DNMBP: variants seen among roughly 807,000 people sequenced by gnomAD.
DNMBP encodes the protein dynamin binding protein.
A neutral mutation model predicts 150.0 loss-of-function variants in DNMBP; 87 were observed. That is an observed-to-expected ratio of 0.58 (90% CI 0.49 to 0.69). The LOEUF is 0.69. Ranked by LOEUF, DNMBP falls within the 30% of genes least tolerant of loss-of-function variation. The probability of loss-of-function intolerance (pLI) is 0.00; values close to 1 mark genes in which losing one functional copy is unlikely to be tolerated. For missense variants in DNMBP, 1,774 were observed against 1,949.0 expected (o/e 0.91, Z 1.69); for synonymous variants, 711 against 750.4 (o/e 0.95, Z 0.86).
chr10:100,000,764 G>A (rs1330289715), intron 1 of DNMBP, among the ~76,000 whole-genome samples: 1 of 150,526 alleles, frequency 6.6e-6, no homozygotes, highest in Non-Finnish European at 1.5e-5. Flanking sequence ...GTTATGAACA[G>A]GGAACAAAAC....
chr10:99,984,583 T>G, intron 1 of DNMBP, among the ~76,000 whole-genome samples: 1 of 152,058 alleles, frequency 6.6e-6, no homozygotes, highest in South Asian at 2.1e-4. Context: ...ACTAAGAAAA[T>G]TTATTAACCC....
At chr10:99,973,111 T>TTATC (rs1338492413) in intron 1 of DNMBP, among the ~76,000 whole-genome samples, 2 of 146,652 alleles carry the variant, frequency 1.4e-5, no homozygotes, top group Non-Finnish European at 3.0e-5. Flanking sequence ...ATTTATTTAT[T>TTATC]TGTAGAGATG....
chr10:99,887,858 C>T (rs890839329), intron 12 of DNMBP, among the ~76,000 whole-genome samples: 3 of 152,088 alleles, frequency 2.0e-5, no homozygotes, highest in Admixed American at 1.3e-4. Context: ...GAGTTTCGCT[C>T]TTGTTGCCCA....
chr10:99,912,832 G>T (rs1308037112), intron 4 of DNMBP, among the ~76,000 whole-genome samples: 2 of 152,076 alleles, frequency 1.3e-5, no homozygotes, highest in African/African-American at 4.8e-5. Flanking sequence ...GCAACCCAAG[G>T]TATTTCTGAA....
intron 11 of DNMBP, among the ~76,000 whole-genome samples, chr10:99,891,186 C>CCACGG (rs1483104970): frequency 5.3e-5 from 8 of 149,704 alleles, no homozygotes; most frequent in African/African-American, 2.0e-4. Flanking sequence ...CCCCCTCTCC[C>CCACGG]TCTCCCCACC....
Position 99,915,130 on chromosome 10 carries a change from C to CAT in DNMBP, c.2261-5985_2261-5984insAT, listed in dbSNP as rs2039949199. Among the ~76,000 whole-genome samples the CAT allele has an allele frequency of 2.5e-5, 3 of 120,420 alleles. No individual in the cohort carries two copies. In the Admixed American group the frequency reaches 2.5e-4, roughly 10 times the overall value. 79.0% of individuals were successfully genotyped at this position (120,420 alleles called of 152,430 possible). On this transcript the variant is annotated intron_variant, in intron 4 of 16. Coordinates refer to ENST00000324109, the MANE Select transcript of DNMBP (RefSeq NM_015221.4). ...AAAAATATATATATATATATATATACACACACACACATATATATACATATA... is the reference window on the plus strand; with the variant it reads ...AAAAATATATATATATATATATATACATACACACACACATATATATACATATA...
intron 6 of DNMBP, among the ~76,000 whole-genome samples, chr10:99,903,882 A>C (rs371442044): frequency 6.6e-6 from 1 of 151,714 alleles, no homozygotes. Context: ...AATATACTTA[A>C]TGGGTCACAG....
chr10:99,883,085 T>C (rs2039395043), intron 15 of DNMBP, among the ~76,000 whole-genome samples: 1 of 152,140 alleles, frequency 6.6e-6, no homozygotes, highest in Non-Finnish European at 1.5e-5. Flanking sequence ...CACATGACTA[T>C]TCACACCAAA....
intron 1 of DNMBP, among the ~76,000 whole-genome samples, chr10:99,986,613 A>ATCTCTAACAGGAGATGGGGGCACT (rs2040830560): frequency 1.7e-5 from 2 of 116,608 alleles, no homozygotes; most frequent in South Asian, 2.5e-4. Context: ...AAAAAAAAAA[A>ATCTCTAACAGGAGATGGGGGCACT]AAAAAAAAAA....
At chr10:99,943,517 C>T (rs1481693313) in intron 4 of DNMBP, among the ~76,000 whole-genome samples, 1 of 152,126 alleles carries the variant, frequency 6.6e-6, no homozygotes, top group Admixed American at 6.5e-5. Flanking sequence ...ATCCTCCCAC[C>T]TCAGTCTCCC....
At position 99,907,939 on chromosome 10, in the gene DNMBP, C is replaced by G. The variant is rs2039846819; in HGVS notation, c.2554+56G>C. On this transcript the variant is annotated intron_variant, in intron 6 of 16. Transcript: ENST00000324109. ...CTCAGTATCAGGAAGGCCACTTACT[C>G]CTGCCCATGAAGTTTTTTTAAAAAG... is the stretch of plus-strand genomic sequence containing the variant. 1.7e-5 allele frequency: 23 copies of G among 1,357,536 alleles called. 1 individual carries two copies. In the South Asian group the frequency reaches 2.6e-4, roughly 15 times the overall value. 84.1% of individuals were successfully genotyped at this position (1,357,536 alleles called of 1,614,324 possible).
intron 3 of DNMBP, among the ~76,000 whole-genome samples, chr10:99,965,951 T>G (rs1195207445): frequency 9.9e-5 from 15 of 152,250 alleles, no homozygotes; most frequent in Non-Finnish European, 2.9e-5. Flanking sequence ...GAAACCTAGA[T>G]GCAAGTCTGA....
rs1564748568 is a variant in DNMBP, at chr10:99,964,882, A to AT, written c.268+4232_268+4233insA. 2.5e-4 allele frequency among the ~76,000 whole-genome samples: 31 copies of AT among 125,480 alleles called. No homozygotes were observed. The East Asian group carries it at 4.4e-3, about 18-fold the overall frequency. 82.3% of individuals were successfully genotyped at this position (125,480 alleles called of 152,430 possible). Reference sequence around the variant, plus strand: ...TGAGACTCCAGCCCAAGGAAAAAAAAAAAATATATATATATATATATATTT... The same window carrying AT: ...TGAGACTCCAGCCCAAGGAAAAAAAATAAAATATATATATATATATATATTT... On this transcript the variant is annotated intron_variant, in intron 3 of 16. Transcript: ENST00000324109.
At chr10:99,986,161 T>C (rs1447626171) in intron 1 of DNMBP, among the ~76,000 whole-genome samples, 1 of 152,190 alleles carries the variant, frequency 6.6e-6, no homozygotes, top group Non-Finnish European at 1.5e-5. Flanking sequence ...GTAAAGTTAA[T>C]GCTATTTCAT....
chr10:99,918,523 A>C (rs1391369390), intron 4 of DNMBP, among the ~76,000 whole-genome samples: 1 of 151,736 alleles, frequency 6.6e-6, no homozygotes, highest in African/African-American at 2.4e-5. Context: ...ATCTAGGCAA[A>C]CAGGACAACA....
intron 4 of DNMBP, among the ~76,000 whole-genome samples, chr10:99,949,674 CAA>C (rs1357281992): frequency 1.3e-5 from 2 of 152,172 alleles, no homozygotes; most frequent in Non-Finnish European, 1.5e-5. Context: ...TCAAATTTTA[CAA>C]AGTCTTCCCG....
intron 6 of DNMBP, among the ~76,000 whole-genome samples, chr10:99,906,538 CTG>C (rs1035696122): frequency 1.3e-5 from 2 of 152,204 alleles, no homozygotes; most frequent in Non-Finnish European, 2.9e-5. Flanking sequence ...ATAGAAGACT[CTG>C]TGGCTCCTGT....
At chr10:99,905,229 T>C (rs921982911) in intron 6 of DNMBP, among the ~76,000 whole-genome samples, 2 of 152,082 alleles carry the variant, frequency 1.3e-5, no homozygotes, top group African/African-American at 4.8e-5. Context: ...TTCCCTGACC[T>C]CTCTGGTTAG....
At chr10:99,915,181 C>A (rs1265609858) in intron 4 of DNMBP, among the ~76,000 whole-genome samples, 8 of 130,196 alleles carry the variant, frequency 6.1e-5, no homozygotes, top group Non-Finnish European at 1.1e-4. Flanking sequence ...ATATATACAT[C>A]TACACACATA....
Sources: allele counts gnomAD v4.1 joint callset (sites outside exome capture counted in the v4.1 genomes callset), GRCh38; gene constraint gnomAD v4.1.1; transcripts MANE v1.5; gene names NCBI Gene and HGNC (gene_info 2026-07-23, HGNC 2026-07-21).